ECRG4: variants seen among roughly 807,000 people sequenced by gnomAD.
The protein encoded by ECRG4 is ECRG4 augurin precursor.
Under a neutral mutation model 15.8 loss-of-function variants are expected in ECRG4, and 18 were observed. The ratio of observed to expected loss-of-function variants is 1.14; its 90% CI spans 0.79 to 1.69. The LOEUF is 1.69. ECRG4 is among the 40% of genes most tolerant of loss of function. The pLI, the probability that ECRG4 is intolerant of heterozygous loss-of-function variation, is 0.00. For synonymous variants in ECRG4, 82 were observed against 73.9 expected (o/e 1.11, Z -0.56); for missense variants, 200 against 190.9 (o/e 1.05, Z -0.28).
chr2:106,074,451 T>A (rs999074516), intron 3 of ECRG4, among the ~76,000 whole-genome samples: 4 of 152,174 alleles, frequency 2.6e-5, no homozygotes, highest in Non-Finnish European at 5.9e-5. Context: ...GGATCTATGA[T>A]GATAATGAAA....
At chr2:106,071,322 TAAAAAAAAAAAAAAAAAAAA>T (rs10649647) in intron 1 of ECRG4, among the ~76,000 whole-genome samples, 3 of 78,332 alleles carry the variant, frequency 3.8e-5, no homozygotes, top group Non-Finnish European at 6.9e-5. Flanking sequence ...GGTAAGGCTG[TAAAAAAAAAAAAAAAAAAAA>T]AAAAAAAAAA....
At chr2:106,070,488 A>T (rs984233381) in intron 1 of ECRG4, among the ~76,000 whole-genome samples, 3 of 152,242 alleles carry the variant, frequency 2.0e-5, no homozygotes, top group East Asian at 3.9e-4. Flanking sequence ...TTCAAATTCA[A>T]AATTTGTAGA....
At chr2:106,074,748 C>T (rs910844599) in intron 3 of ECRG4, among the ~76,000 whole-genome samples, 1 of 152,184 alleles carries the variant, frequency 6.6e-6, no homozygotes, top group Non-Finnish European at 1.5e-5. Flanking sequence ...AAAGGGAGGA[C>T]CTGTGGCCTG....
chr2:106,075,525 C>T (rs574554392), intron 3 of ECRG4, among the ~76,000 whole-genome samples: 8 of 152,226 alleles, frequency 5.3e-5, no homozygotes, highest in African/African-American at 1.9e-4. Flanking sequence ...AGTTCAAGAC[C>T]AGCCTGGCCA....
chr2:106,077,923 C>T lies in ECRG4; in HGVS notation c.444C>T (p.Tyr148=). The change falls in exon 4 of 4, where the codon TAC becomes TAT. Residue 148 remains tyrosine, a synonymous_variant. Coordinates refer to ENST00000238044, the MANE Select transcript of ECRG4 (RefSeq NM_032411.3). ...GAGCCAGCGTCAACTACGATGACTACTAACCATGACTTGCCACACGCTGTA... is the reference window on the plus strand; with the variant it reads ...GAGCCAGCGTCAACTACGATGACTATTAACCATGACTTGCCACACGCTGTA... ...RHGASVNYDD[Y] is the part of the protein sequence containing the mutation. 6.2e-7 allele frequency: 1 copy of T among 1,613,752 alleles called. No individual in the cohort carries two copies. Among genetic ancestry groups the T allele is most frequent in the Non-Finnish European group, 8.5e-7 (1 of 1,179,888 alleles).
chr2:106,069,468 G>A (rs542023213), intron 1 of ECRG4, among the ~76,000 whole-genome samples: 4 of 151,746 alleles, frequency 2.6e-5, no homozygotes, highest in African/African-American at 7.3e-5. Context: ...TGAGTAGCTG[G>A]GACTACAGGC....
rs1349930327 is a variant in ECRG4 at position 106,069,144 on chromosome 2, TTTCTTTTCTTTCTTTC to T, written c.80-2697_80-2682del. On this transcript the variant is annotated intron_variant, in intron 1 of 3. Coordinates refer to ENST00000238044, the MANE Select transcript of ECRG4 (RefSeq NM_032411.3). The stretch of plus-strand genomic sequence containing the variant: ...TTCTTCCTTTCTCTTTCTTTCTTTC[TTTCTTTTCTTTCTTTC>T]TTTCTTTCTTTTTTCTTTCTTTCTT... 8.1e-4 allele frequency among the ~76,000 whole-genome samples: 108 copies of T among 133,020 alleles called. 1 individual carries two copies. Among genetic ancestry groups the T allele is most frequent in the African/African-American group, 2.9e-3 (104 of 35,970 alleles). 87.3% of individuals were successfully genotyped at this position (133,020 alleles called of 152,430 possible).
At chr2:106,072,190 C>T (rs1676384608) in intron 2 of ECRG4, 2 of 274,886 alleles carry the variant, frequency 7.3e-6, no homozygotes, top group African/African-American at 4.4e-5. Context: ...GACCATGGAG[C>T]ACTTTAGAGA....
intron 1 of ECRG4, among the ~76,000 whole-genome samples, chr2:106,071,407 A>G (rs2104794905): frequency 6.6e-6 from 1 of 151,776 alleles, no homozygotes; most frequent in East Asian, 1.9e-4. Flanking sequence ...GAGATCCTTA[A>G]TGGATTATAT....
chr2:106,068,558 A>G (rs1676272771), intron 1 of ECRG4, among the ~76,000 whole-genome samples: 1 of 152,220 alleles, frequency 6.6e-6, no homozygotes, highest in South Asian at 2.1e-4. Flanking sequence ...TAATAGTGAC[A>G]TACATTTGCT....
At chr2:106,074,168 A>G (rs1217955996) in intron 3 of ECRG4, 125 bp downstream of exon 3, 6 of 1,097,452 alleles carry the variant, frequency 5.5e-6, no homozygotes, top group Admixed American at 2.3e-5. Flanking sequence ...TAAGAGCCCC[A>G]TCATATGCCA....
intron 1 of ECRG4, among the ~76,000 whole-genome samples, chr2:106,069,294 T>TTTCC (rs1266246137): frequency 3.4e-5 from 5 of 147,672 alleles, no homozygotes; most frequent in African/African-American, 1.2e-4. Context: ...TCTTTCTTTC[T>TTTCC]TTCCTTCCTT....
intron 3 of ECRG4, among the ~76,000 whole-genome samples, chr2:106,074,988 A>C (rs945546591): frequency 6.6e-6 from 1 of 152,134 alleles, no homozygotes; most frequent in African/African-American, 2.4e-5. Flanking sequence ...CATTGGACAT[A>C]TTACTTGTTC....
At chr2:106,071,785 T>C in intron 1 of ECRG4, 59 bp from the exon 2 acceptor site, 1 of 1,469,216 alleles carries the variant, frequency 6.8e-7, no homozygotes, top group Non-Finnish European at 9.4e-7. Context: ...ATTTTTGCCT[T>C]TGATAAATTG....
intron 1 of ECRG4, among the ~76,000 whole-genome samples, chr2:106,066,200 G>C (rs1223063149): frequency 6.6e-6 from 1 of 152,208 alleles, no homozygotes; most frequent in Non-Finnish European, 1.5e-5. Flanking sequence ...TGGTAACCCA[G>C]AGGAGGCAAA....
At chr2:106,075,198 G>T (rs984658461) in intron 3 of ECRG4, among the ~76,000 whole-genome samples, 4 of 152,164 alleles carry the variant, frequency 2.6e-5, no homozygotes, top group African/African-American at 9.7e-5. Flanking sequence ...TCCCAGTGAG[G>T]TTCCTGGGGC....
chr2:106,064,603 C>T (rs550142661), upstream of ECRG4, among the ~76,000 whole-genome samples: 3 of 152,240 alleles, frequency 2.0e-5, no homozygotes, highest in Non-Finnish European at 2.9e-5. Context: ...GCTTGAACCC[C>T]GGAGTTGGAG....
upstream of ECRG4, chr2:106,064,436 G>A (rs1341885208): frequency 6.6e-6 from 1 of 152,238 alleles, no homozygotes; most frequent in African/African-American, 2.4e-5. Context: ...CTAACACTTT[G>A]GGAGGCCGAT....
chr2:106,065,759 GCCGCCATGGCTGCCTCCC>G lies in ECRG4; in HGVS notation c.-1_17del, dbSNP rs543094154. On this transcript the variant is annotated start_lost and 5_prime_UTR_variant, in exon 1 of 4. Transcript: ENST00000238044. The stretch of plus-strand genomic sequence containing the variant: ...CCCCTCGCCCTCCTGCTCGCGCCCC[GCCGCCATGGCTGCCTCCC>G]CCGCGCGGCCTGCTGTCCTGGCCCT... 2.7e-6 allele frequency: 4 copies of G among 1,478,264 alleles called. No individual in the cohort carries two copies. In the African/African-American group the frequency reaches 4.4e-5, roughly 16 times the overall value. The allele number at this position is 1,478,264 out of a possible 1,614,324, so 91.6% of individuals were successfully genotyped here.
Sources: gnomAD v4.1 joint callset for allele counts (sites outside exome capture counted in the v4.1 genomes callset) on GRCh38, gnomAD v4.1.1 for gene constraint, MANE v1.5 for transcripts, NCBI Gene and HGNC (gene_info 2026-07-23, HGNC 2026-07-21) for gene names.